Variants in ZNF251 observed in about 807,000 individuals in gnomAD.
ZNF251 encodes zinc finger protein 251.
ZNF251 carries 14 observed loss-of-function variants against 13.5 expected under a neutral mutation model. The ratio of observed to expected loss-of-function variants is 1.04; its 90% CI spans 0.69 to 1.63. ZNF251 has a LOEUF of 1.63. Ranked by LOEUF, ZNF251 falls within the 40% of genes most tolerant of loss-of-function variation. The pLI is 0.00. For synonymous variants in ZNF251, 287 were observed against 295.2 expected (o/e 0.97, Z 0.28); for missense variants, 764 against 834.9 (o/e 0.92, Z 1.05).
chr8:144,722,433 T>C lies in ZNF251; in HGVS notation c.1227A>G (p.Glu409=), dbSNP rs755814979. 5.0e-6 allele frequency: 8 copies of C among 1,613,826 alleles called. No individual in the cohort carries two copies. Among genetic ancestry groups the C allele is most frequent in the Non-Finnish European group, 5.9e-6 (7 of 1,179,920 alleles). ...HTGEKPYVCN[E]CGRAFGFNSH... ...AGTTAAAACCAAAGGCTCTGCCGCA[T>C]TCATTACATACATAGGGTTTCTCTC... The change falls in exon 5 of 5, where the codon GAA becomes GAG. Residue 409 remains glutamate (E), a synonymous_variant. Transcript: ENST00000292562. This position sits in a 1 kb window ranked among gnomAD's most constrained non-coding sequence, Gnocchi z 4.8.
intron 4 of ZNF251, among the ~76,000 whole-genome samples, chr8:144,749,811 C>G (rs1303619589): frequency 6.6e-6 from 1 of 151,868 alleles, no homozygotes; most frequent in African/African-American, 2.4e-5. Flanking sequence ...AGGCACTGTT[C>G]CTTTCGGTTA....
chr8:144,742,863 C>T (rs1824231369), intron 4 of ZNF251, among the ~76,000 whole-genome samples: 1 of 152,084 alleles, frequency 6.6e-6, no homozygotes, highest in Non-Finnish European at 1.5e-5. Flanking sequence ...TTTCAGAATC[C>T]ACTTATATGA....
intron 4 of ZNF251, among the ~76,000 whole-genome samples, chr8:144,724,209 C>T (rs1823452900): frequency 7.3e-6 from 1 of 137,128 alleles, no homozygotes; most frequent in Non-Finnish European, 1.5e-5. Flanking sequence ...TTGCAGTGAG[C>T]TGAGATCGCG....
At chr8:144,747,220 G>A (rs559064610) in intron 4 of ZNF251, among the ~76,000 whole-genome samples, 2 of 152,078 alleles carry the variant, frequency 1.3e-5, no homozygotes, top group East Asian at 1.9e-4. Flanking sequence ...TCTTTGACTC[G>A]TGTTATTTGG....
In ZNF251 at chr8:144,723,090, C is replaced by T; in HGVS notation, c.570G>A (p.Leu190=). ...GTCTAACAACATTTTGGTCCAGATT[C>T]AAGTTTCTATCAAATGCACTACACT... The part of the protein sequence containing the change: ...TQECSAFDRN[L]NLDQNVVRLQ... The change falls in exon 5 of 5, where the codon TTG becomes TTA. Residue 190 remains leucine (L), a synonymous_variant. Coordinates refer to ENST00000292562, the MANE Select transcript of ZNF251 (RefSeq NM_138367.2). 1.2e-6 allele frequency: 2 copies of T among 1,614,058 alleles called. No individual in the cohort carries two copies. Among genetic ancestry groups the T allele is most frequent in the Non-Finnish European group, 1.7e-6 (2 of 1,179,904 alleles).
rs1453253456 is a variant in ZNF251 at position 144,754,210 on chromosome 8, C to T, written c.145G>A (p.Gly49Arg). The change falls in exon 3 of 5, where the codon GGG becomes AGG. Residue 49 changes from glycine to arginine, a missense_variant. By Grantham distance (125) the Gly-to-Arg change is moderately radical. Transcript: ENST00000292562. ...GCCTCACCCAGAGAGGCCACGTTCCCATAGTTCTCCAGCATCACATCCCGG... is the reference window on the plus strand; with the variant it reads ...GCCTCACCCAGAGAGGCCACGTTCCTATAGTTCTCCAGCATCACATCCCGG... ...LYRDVMLENYGNVASLGFPVP... is the reference protein window; with the variant it reads ...LYRDVMLENYRNVASLGFPVP... 3.1e-6 allele frequency: 5 copies of T among 1,613,944 alleles called. No individual in the cohort carries two copies. The highest frequency in any genetic ancestry group is 4.2e-6 in the Non-Finnish European group (5 of 1,179,906).
intron 4 of ZNF251, among the ~76,000 whole-genome samples, chr8:144,731,883 C>T (rs1041095792): frequency 3.3e-5 from 5 of 151,384 alleles, no homozygotes; most frequent in East Asian, 3.9e-4. Context: ...TCACCATGCC[C>T]GGCCCAATAA....
chr8:144,721,901 T>C lies in ZNF251; in HGVS notation c.1759A>G (p.Met587Val). The change falls in exon 5 of 5, where the codon ATG (methionine) becomes GTG (valine). Residue 587 changes from methionine (M) to valine (V), a missense_variant. Met to Val is a conservative substitution (Grantham distance 21). Transcript: ENST00000292562. The stretch of plus-strand genomic sequence containing the variant: ...TTATAGGGCTTTTCCCCAGCATGCA[T>C]TATCTGATCTTCAGTGGGTCGTGAG... Reference protein sequence around the residue: ...PTSRPTEDQIMHAGEKPYKCQ... With the variant: ...PTSRPTEDQIVHAGEKPYKCQ... 1 of 1,505,660 alleles carries C rather than the reference T, an allele frequency of 6.6e-7. No individual in the cohort carries two copies. Among genetic ancestry groups the C allele is most frequent in the Middle Eastern group, 1.8e-4 (1 of 5,566 alleles). The allele number at this position is 1,505,660 out of a possible 1,614,324, so 93.3% of individuals were successfully genotyped here. A position where few individuals can be genotyped will look rare whatever the true frequency, so the allele number is the denominator to read the frequency against.
chr8:144,754,720 G>A lies in ZNF251; in HGVS notation c.9C>T (p.Ala3=). 1 of 1,612,360 alleles carries A rather than the reference G, an allele frequency of 6.2e-7. No homozygotes were observed. The highest frequency in any genetic ancestry group is 1.1e-5 in the South Asian group (1 of 90,588). ...CCTGGTGCCCTGGAAGCTGGAATGT[G>A]GCTGCCATTCTGTGTGCATGGGCTG... MA[A]TFQLPGHQEM... The change falls in exon 2 of 5, where the codon GCC becomes GCT. Residue 3 remains alanine, a synonymous_variant. Transcript: ENST00000292562.
intron 1 of ZNF251, chr8:144,755,180 G>T (rs1022363241): frequency 3.4e-6 from 4 of 1,172,138 alleles, no homozygotes; most frequent in Non-Finnish European, 4.3e-6. Context: ...TGCTGCCGAA[G>T]GCCCCAGGCT....
intron 1 of ZNF251, 40 bp from the exon 2 acceptor site, chr8:144,754,843 G>T: frequency 6.7e-7 from 1 of 1,503,694 alleles, no homozygotes; most frequent in South Asian, 1.3e-5. Context: ...CATTCAACCA[G>T]GGGTGTGGAA....
At chr8:144,729,020 G>A (rs371408015) in intron 4 of ZNF251, among the ~76,000 whole-genome samples, 14 of 150,970 alleles carry the variant, frequency 9.3e-5, no homozygotes, top group South Asian at 4.2e-4. Flanking sequence ...CCTGGGAGGC[G>A]GAGGTTGCAG....
At chr8:144,742,528 T>C (rs796113637) in intron 4 of ZNF251, among the ~76,000 whole-genome samples, 15 of 144,556 alleles carry the variant, frequency 1.0e-4, no homozygotes, top group South Asian at 2.2e-4. Context: ...AGCGTCACAA[T>C]GAATGAACCC....
intron 4 of ZNF251, among the ~76,000 whole-genome samples, chr8:144,728,680 G>T (rs934972203): frequency 1.4e-5 from 2 of 139,184 alleles, no homozygotes; most frequent in African/African-American, 2.9e-5. Flanking sequence ...AAAAAAAAAA[G>T]GTTTGAAATA....
At position 144,754,256 on chromosome 8, in the gene ZNF251, G is replaced by A. The variant is rs761343035; in HGVS notation, c.99C>T (p.Gly33=). 6 of 1,613,726 alleles carry A rather than the reference G, an allele frequency of 3.7e-6. No individual in the cohort carries two copies. Among genetic ancestry groups the A allele is most frequent in the East Asian group, 2.2e-5 (1 of 44,862 alleles). The change falls in exon 3 of 5, where the codon GGC becomes GGT. Residue 33 remains glycine, a synonymous_variant. Transcript: ENST00000292562. ...CCCGGTAGAGCGCCCGCTGCTGGGG[G>A]CCCAGCTGCCGCCCCTCCGCCTGAG... ...YFSQAEGRQL[G]PQQRALYRDV... is the part of the protein sequence containing the mutation.
intron 4 of ZNF251, among the ~76,000 whole-genome samples, chr8:144,743,343 C>T (rs912107096): frequency 6.6e-6 from 1 of 152,194 alleles, no homozygotes; most frequent in Non-Finnish European, 1.5e-5. Context: ...GGGTTACAGG[C>T]ATGAAGCACC....
rs2129971927 is a variant in ZNF251 at position 144,734,811 on chromosome 8, C to T, written c.278-11429G>A. Among the ~76,000 whole-genome samples, 1 of 152,334 alleles carries T rather than the reference C, an allele frequency of 6.6e-6. No homozygotes were observed. Among genetic ancestry groups the T allele is most frequent in the Middle Eastern group, 3.4e-3 (1 of 294 alleles). The stretch of plus-strand genomic sequence containing the variant: ...TTTGCAGGCCGGGCGTGGTAGCTCA[C>T]GCCTGTAATCCCAGCACTTTGGGAG... On this transcript the variant is annotated intron_variant, in intron 4 of 4. Coordinates refer to ENST00000292562, the MANE Select transcript of ZNF251 (RefSeq NM_138367.2). The surrounding 1 kb of genome is among the most constrained non-coding windows in gnomAD (Gnocchi z 4.4).
At chr8:144,751,829 G>A (rs1189546911) in intron 4 of ZNF251, among the ~76,000 whole-genome samples, 1 of 152,114 alleles carries the variant, frequency 6.6e-6, no homozygotes, top group Admixed American at 6.5e-5. Context: ...TTCACTTTAA[G>A]TGTAAAGACA....
Position 144,742,537 on chromosome 8 carries a change from C to T in ZNF251, c.277+11146G>A, listed in dbSNP as rs1824212046. On this transcript the variant is annotated intron_variant, in intron 4 of 4. Transcript: ENST00000292562. ...GATAACAGCGTCACAATGAATGAAC[C>T]CACACTGACACATCATGACCATCTA... is the stretch of plus-strand genomic sequence containing the variant. Among the ~76,000 whole-genome samples, 2 of 151,146 alleles carry T rather than the reference C, an allele frequency of 1.3e-5. 1 individual carries two copies. The highest frequency in any genetic ancestry group is 4.2e-4 in the South Asian group (2 of 4,740).
Sources: gnomAD v4.1 joint callset for allele counts (sites outside exome capture counted in the v4.1 genomes callset) on GRCh38, gnomAD v4.1.1 for gene constraint, Gnocchi (gnomAD v3.1) non-coding constraint, MANE v1.5 for transcripts, NCBI Gene and HGNC (gene_info 2026-07-23, HGNC 2026-07-21) for gene names.